SPHKAP: variants seen among roughly 807,000 people sequenced by gnomAD.
The protein encoded by SPHKAP is SPHK1 interactor, AKAP domain containing.
Under a neutral mutation model 137.5 loss-of-function variants are expected in SPHKAP, and 67 were observed. The ratio of observed to expected loss-of-function variants is 0.49; its 90% CI spans 0.40 to 0.60. The LOEUF (loss-of-function observed/expected upper bound fraction) is 0.60, where lower values mean the gene tolerates loss of function less well. Among genes scored for constraint, SPHKAP ranks in the 20% least tolerant of loss-of-function variants. The probability of loss-of-function intolerance (pLI) is 0.00; values close to 1 mark genes in which losing one functional copy is unlikely to be tolerated. For synonymous variants in SPHKAP, 813 were observed against 785.3 expected (o/e 1.04, Z -0.59); for missense variants, 2,097 against 2,069.3 (o/e 1.01, Z -0.26).
Position 228,019,886 on chromosome 2 carries a change from T to C in SPHKAP, c.968A>G (p.Tyr323Cys), listed in dbSNP as rs1367843312. The change falls in exon 7 of 12, where the codon TAT becomes TGT. Residue 323 changes from tyrosine (Y) to cysteine (C), a missense_variant. Coordinates refer to ENST00000392056, the MANE Select transcript of SPHKAP (RefSeq NM_001142644.2). ...TTGACCTTTAAAAGCTTCTGAATGATAATAATGTGTGGCTTGTCTCCCATT... is the reference window on the plus strand; with the variant it reads ...TTGACCTTTAAAAGCTTCTGAATGACAATAATGTGTGGCTTGTCTCCCATT... ...VGNGRQATHYYHSEAFKGQME... is the reference protein window; with the variant it reads ...VGNGRQATHYCHSEAFKGQME... The C allele has an allele frequency of 2.5e-6, 4 of 1,614,142 alleles. No individual in the cohort carries two copies. Among genetic ancestry groups the C allele is most frequent in the Non-Finnish European group, 2.5e-6 (3 of 1,180,048 alleles).
Position 228,154,221 on chromosome 2 carries a change from G to A in SPHKAP, c.33-22136C>T, listed in dbSNP as rs1171006869. On this transcript the variant is annotated intron_variant, in intron 1 of 11. Transcript: ENST00000392056. ...CTTCATGTAAGTCCTAAACTGTAAT[G>A]TTTAAAGACATTGCACTTACAAGGG... Among the ~76,000 whole-genome samples the A allele has an allele frequency of 4.0e-5, 6 of 151,676 alleles. 1 individual carries two copies. The South Asian group carries it at 8.3e-4, about 21-fold the overall frequency.
chr2:228,025,895 G>A lies in SPHKAP; in HGVS notation c.307-367C>T, dbSNP rs577879963. ...TTTTTGTTTTAACTAATAATCTTCC[G>A]ATATGGCTTGGCTCTGTGTCCCCAT... On this transcript the variant is annotated intron_variant, in intron 4 of 11. Coordinates refer to ENST00000392056, the MANE Select transcript of SPHKAP (RefSeq NM_001142644.2). The A allele has an allele frequency of 1.1e-4, 113 of 984,382 alleles. No homozygotes were observed. In the African/African-American group the frequency reaches 1.8e-3, roughly 16 times the overall value. 61.0% of individuals were successfully genotyped at this position (984,382 alleles called of 1,614,324 possible). A position where few individuals can be genotyped will look rare whatever the true frequency, so the allele number is the denominator to read the frequency against.
rs370304319 is a variant in SPHKAP, at chr2:227,991,172, C to G, written c.4787G>C (p.Gly1596Ala). ...QSESTEAPAS[G>A]PPTGTASPQR... ...GGGGCTGGCTGTTCCCGTAGGCGGT[C>G]CAGATGCAGGTGCTGAGAACAGACA... The change falls in exon 11 of 12, where the codon GGA (glycine) becomes GCA (alanine). Residue 1596 changes from glycine to alanine, a missense_variant. Transcript: ENST00000392056. 6.2e-7 allele frequency: 1 copy of G among 1,613,922 alleles called. No individual in the cohort carries two copies. Among genetic ancestry groups the G allele is most frequent in the African/African-American group, 1.3e-5 (1 of 74,898 alleles).
intron 3 of SPHKAP, among the ~76,000 whole-genome samples, chr2:228,064,206 G>A (rs1272543802): frequency 6.6e-6 from 1 of 152,066 alleles, no homozygotes; most frequent in African/African-American, 2.4e-5. Flanking sequence ...ACATATTAAG[G>A]CTTGGCAGTT....
chr2:227,998,324 T>C (rs1195941716), intron 7 of SPHKAP, among the ~76,000 whole-genome samples: 2 of 152,186 alleles, frequency 1.3e-5, no homozygotes, highest in Non-Finnish European at 2.9e-5. Context: ...AATCACCCTT[T>C]AATTCAGGTA....
intron 11 of SPHKAP, 70 bp from the exon 12 acceptor site, chr2:227,981,930 C>A: frequency 8.5e-6 from 13 of 1,523,334 alleles, no homozygotes; most frequent in Non-Finnish European, 1.1e-5. Context: ...TTCAACCACC[C>A]TCGCGAAGCC....
intron 1 of SPHKAP, among the ~76,000 whole-genome samples, chr2:228,164,392 T>C (rs978385686): frequency 1.4e-4 from 21 of 152,332 alleles, no homozygotes; most frequent in Middle Eastern, 3.4e-3. Context: ...TTCTCCCTAA[T>C]AAACTCCCTT....
At chr2:228,075,379 A>G (rs1697146245) in intron 3 of SPHKAP, among the ~76,000 whole-genome samples, 1 of 152,002 alleles carries the variant, frequency 6.6e-6, no homozygotes, top group African/African-American at 2.4e-5. Flanking sequence ...AGGGAAATGT[A>G]TACTCTGTTT....
chr2:228,110,734 A>G (rs7569040), intron 2 of SPHKAP, among the ~76,000 whole-genome samples: 52,499 of 152,150 alleles, frequency 0.35, 9,332 homozygotes, highest in East Asian at 0.5. Flanking sequence ...CAGCTAGGAC[A>G]GCTCAGCTGT....
At chr2:227,990,257 G>C (rs1213229328) in intron 11 of SPHKAP, among the ~76,000 whole-genome samples, 1 of 152,206 alleles carries the variant, frequency 6.6e-6, no homozygotes, top group Non-Finnish European at 1.5e-5. Flanking sequence ...GACCTACAGA[G>C]CTGAGTGCTG....
chr2:228,067,672 AT>A (rs907707256), intron 3 of SPHKAP, among the ~76,000 whole-genome samples: 52 of 150,042 alleles, frequency 3.5e-4, no homozygotes, highest in Admixed American at 5.3e-4. Flanking sequence ...TACAGGTAAG[AT>A]TTTTTTTTTA....
intron 3 of SPHKAP, among the ~76,000 whole-genome samples, chr2:228,035,779 G>A (rs1695564231): frequency 6.6e-6 from 1 of 152,110 alleles, no homozygotes; most frequent in Non-Finnish European, 1.5e-5. Flanking sequence ...CAAGCAATGG[G>A]GAAAGGATTC....
chr2:228,044,197 A>G (rs1252137642), intron 3 of SPHKAP, among the ~76,000 whole-genome samples: 3 of 152,220 alleles, frequency 2.0e-5, no homozygotes, highest in Non-Finnish European at 4.4e-5. Context: ...GCATGCTGCA[A>G]TCTCATTGGT....
rs1699908223 is a variant in SPHKAP at position 228,150,863 on chromosome 2, A to ACCTCAG, written c.33-18784_33-18779dup. On this transcript the variant is annotated intron_variant, in intron 1 of 11. Transcript: ENST00000392056. The stretch of plus-strand genomic sequence containing the variant: ...TCTCCTTGGCTCAAGCAATCCTCAT[A>ACCTCAG]CCTCAGCCTCCCAGTAGTTGGCACT... 2.6e-5 allele frequency among the ~76,000 whole-genome samples: 4 copies of ACCTCAG among 151,936 alleles called. No individual in the cohort carries two copies. In the South Asian group the frequency reaches 6.2e-4, roughly 24 times the overall value.
chr2:228,018,547 G>A lies in SPHKAP; in HGVS notation c.2307C>T (p.Ser769=). ...SQAWTKATES[S]SSSPLSNSHN... ...GTGAATTGCTAAGTGGAGAGCTGCT[G>A]GAGGATTCAGTGGCTTTTGTCCAAG... is the stretch of plus-strand genomic sequence containing the variant. The change falls in exon 7 of 12, where the codon TCC becomes TCT. Residue 769 remains serine (S), a synonymous_variant. Transcript: ENST00000392056. 1 of 1,613,962 alleles carries A rather than the reference G, an allele frequency of 6.2e-7. No individual in the cohort carries two copies.
intron 2 of SPHKAP, among the ~76,000 whole-genome samples, chr2:228,128,884 G>A (rs765079863): frequency 7.2e-5 from 11 of 152,138 alleles, no homozygotes; most frequent in South Asian, 2.1e-4. Flanking sequence ...AAACCATGCT[G>A]TAAACAGATG....
At chr2:228,065,497 A>C (rs1696794958) in intron 3 of SPHKAP, among the ~76,000 whole-genome samples, 1 of 152,204 alleles carries the variant, frequency 6.6e-6, no homozygotes, top group Admixed American at 6.5e-5. Flanking sequence ...TGGAGACCGC[A>C]AGTCTAAACT....
At chr2:228,049,552 T>TGGGCTTGTTACAC (rs141170702) in intron 3 of SPHKAP, among the ~76,000 whole-genome samples, 1 of 58,908 alleles carries the variant, frequency 1.7e-5, no homozygotes, top group Non-Finnish European at 3.3e-5. Flanking sequence ...CATGTGCACC[T>TGGGCTTGTTACAC]GGGCTTACTG....
intron 3 of SPHKAP, among the ~76,000 whole-genome samples, chr2:228,031,262 C>A (rs867044907): frequency 6.6e-6 from 1 of 152,328 alleles, no homozygotes; most frequent in Middle Eastern, 3.4e-3. Context: ...TGGAGTCTCC[C>A]TGATTGCTAG....
Sources: allele counts gnomAD v4.1 joint callset (sites outside exome capture counted in the v4.1 genomes callset), GRCh38; gene constraint gnomAD v4.1.1; transcripts MANE v1.5; gene names NCBI Gene and HGNC (gene_info 2026-07-23, HGNC 2026-07-21).